Variants in SLC71A2 observed in about 807,000 individuals in gnomAD.
SLC71A2 encodes hippocampus abundant transcript-like 1.
chr9:94,460,666 T>C, the SLC71A2 span: 2 of 134,330 alleles, frequency 1.5e-5, no homozygotes, highest in Non-Finnish European at 3.2e-5. Context: ...TATGTAGATA[T>C]TTGTAAAGGG....
the SLC71A2 span, among the ~76,000 whole-genome samples, chr9:94,423,456 T>G: frequency 6.6e-6 from 1 of 152,216 alleles, no homozygotes. Context: ...GATAACCTTC[T>G]GAGGTCTCTT....
At chr9:94,430,430 C>G in the SLC71A2 span, among the ~76,000 whole-genome samples, 2 of 151,682 alleles carry the variant, frequency 1.3e-5, no homozygotes, top group African/African-American at 4.8e-5. Context: ...ACCATGTTGG[C>G]CAGGCTGGTC....
chr9:94,450,666 T>C, the SLC71A2 span, among the ~76,000 whole-genome samples: 2 of 151,904 alleles, frequency 1.3e-5, no homozygotes, highest in African/African-American at 2.4e-5. Context: ...ATTTTTTGTA[T>C]TTTTAGTAGA....
chr9:94,451,126 AAGTC>A, the SLC71A2 span, among the ~76,000 whole-genome samples: 1 of 152,194 alleles, frequency 6.6e-6, no homozygotes, highest in East Asian at 1.9e-4. Flanking sequence ...GCAGCATCAA[AAGTC>A]AGTCATTTTG....
chr9:94,459,451 A>G, the SLC71A2 span: 1 of 1,606,814 alleles, frequency 6.2e-7, no homozygotes, highest in Non-Finnish European at 8.5e-7. Flanking sequence ...GCCATCTCTG[A>G]GAGCCATGGA....
the SLC71A2 span, among the ~76,000 whole-genome samples, chr9:94,382,456 T>G: frequency 7.9e-5 from 12 of 152,130 alleles, no homozygotes; most frequent in African/African-American, 2.4e-4. Flanking sequence ...GTTACATATT[T>G]GGGATGCAAG....
At chr9:94,408,551 A>G in the SLC71A2 span, among the ~76,000 whole-genome samples, 19 of 151,756 alleles carry the variant, frequency 1.3e-4, no homozygotes, top group African/African-American at 4.1e-4. Context: ...AGGTCTATTT[A>G]TATTTTCTGT....
chr9:94,452,417 C>G, the SLC71A2 span, among the ~76,000 whole-genome samples: 1 of 151,652 alleles, frequency 6.6e-6, no homozygotes, highest in African/African-American at 2.4e-5. Context: ...GCCAATATGG[C>G]GAAACCCTGT....
chr9:94,417,381 A>T, the SLC71A2 span, among the ~76,000 whole-genome samples: 1 of 152,156 alleles, frequency 6.6e-6, no homozygotes, highest in Non-Finnish European at 1.5e-5. Flanking sequence ...TAATCCCAGC[A>T]CTTCGGGAGG....
At chr9:94,435,828 A>G in the SLC71A2 span, among the ~76,000 whole-genome samples, 1 of 151,444 alleles carries the variant, frequency 6.6e-6, no homozygotes, top group East Asian at 1.9e-4. Flanking sequence ...CTAATTTTGT[A>G]TTTTTAGTAG....
At chr9:94,453,276 A>C in the SLC71A2 span, among the ~76,000 whole-genome samples, 4 of 151,596 alleles carry the variant, frequency 2.6e-5, no homozygotes, top group African/African-American at 9.7e-5. Context: ...CAGCCTCCCA[A>C]ATAGCTGGGA....
chr9:94,374,440 C>T, the SLC71A2 span: 1 of 152,240 alleles, frequency 6.6e-6, no homozygotes, highest in Non-Finnish European at 1.5e-5. Context: ...CTGGAGGCTA[C>T]TCAGGCGCGG....
chr9:94,374,538 C>T, the SLC71A2 span: 2,844 of 152,530 alleles, frequency 0.019, 75 homozygotes, highest in African/African-American at 0.065. Context: ...GGCACAGTCT[C>T]TTAACCGTGC....
chr9:94,454,866 T>G, the SLC71A2 span, among the ~76,000 whole-genome samples: 33 of 152,128 alleles, frequency 2.2e-4, no homozygotes, highest in African/African-American at 7.7e-4. Context: ...CCATATTAGA[T>G]TCCCCCATAA....
chr9:94,432,713 C>T, the SLC71A2 span: 3 of 314,614 alleles, frequency 9.5e-6, no homozygotes, highest in Admixed American at 3.8e-5. Context: ...ACAGCCTGGA[C>T]GAATGATGCC....
chr9:94,441,185 C>T, the SLC71A2 span: 5 of 660,084 alleles, frequency 7.6e-6, no homozygotes, highest in Non-Finnish European at 1.2e-5. Context: ...GTTTATTAGT[C>T]CTTTCTTGCA....
At chr9:94,414,502 G>T in the SLC71A2 span, among the ~76,000 whole-genome samples, 1 of 152,140 alleles carries the variant, frequency 6.6e-6, no homozygotes, top group African/African-American at 2.4e-5. Context: ...TATTATGTAG[G>T]TAAAGAAACT....
chr9:94,413,540 A>G, the SLC71A2 span, among the ~76,000 whole-genome samples: 3 of 151,602 alleles, frequency 2.0e-5, no homozygotes, highest in Admixed American at 2.0e-4. Context: ...CTGAGTAGTT[A>G]GCTATTAAAA....
At chr9:94,423,262 T>C in the SLC71A2 span, among the ~76,000 whole-genome samples, 2 of 107,658 alleles carry the variant, frequency 1.9e-5, no homozygotes, top group African/African-American at 3.6e-5. Flanking sequence ...GTTCTCTCTC[T>C]CTCTTTTTTT....
Sources: gnomAD v4.1 joint callset for allele counts (sites outside exome capture counted in the v4.1 genomes callset) on GRCh38, gnomAD v4.1.1 for gene constraint, MANE v1.5 for transcripts, NCBI Gene and HGNC (gene_info 2026-07-23, HGNC 2026-07-21) for gene names.